The following CSMD1 variants were observed in gnomAD, a reference collection of about 807,000 sequenced individuals.
CSMD1 encodes CUB and Sushi multiple domains 1.
Under a neutral mutation model 417.5 loss-of-function variants are expected in CSMD1, and 213 were observed. That is an observed-to-expected ratio of 0.51 (90% confidence interval 0.46 to 0.57). The LOEUF (loss-of-function observed/expected upper bound fraction) is 0.57, where lower values mean the gene tolerates loss of function less well. Among genes scored for constraint, CSMD1 ranks in the 20% least tolerant of loss-of-function variants. The probability of loss-of-function intolerance (pLI) is 0.00; values close to 1 mark genes in which losing one functional copy is unlikely to be tolerated. For missense variants in CSMD1, 6,923 were observed against 4,529.7 expected (o/e 1.53, Z -15.17); for synonymous variants, 2,862 against 1,736.8 (o/e 1.65, Z -16.11).
chr8:3,814,939 C>T (rs967491845), intron 5 of CSMD1, among the ~76,000 whole-genome samples: 1 of 152,120 alleles, frequency 6.6e-6, no homozygotes, highest in Non-Finnish European at 1.5e-5. Context: ...CTTCTGAAGT[C>T]AGCCATCCCA....
At chr8:3,990,050 T>C (rs966619004) in intron 5 of CSMD1, among the ~76,000 whole-genome samples, 5 of 152,192 alleles carry the variant, frequency 3.3e-5, no homozygotes, top group Non-Finnish European at 7.3e-5. Flanking sequence ...AGCAGCATTA[T>C]TTGAGAATGA....
intron 3 of CSMD1, among the ~76,000 whole-genome samples, chr8:4,364,520 C>T (rs1053000405): frequency 5.3e-5 from 8 of 149,880 alleles, no homozygotes; most frequent in Admixed American, 2.0e-4. Flanking sequence ...TCAGTTAAAA[C>T]ATTTTTTAAA....
chr8:3,396,164 G>A (rs1339470950), intron 17 of CSMD1, 30 bp downstream of exon 17: 2 of 1,541,572 alleles, frequency 1.3e-6, no homozygotes, highest in Admixed American at 2.0e-5. Context: ...ATGCTGCCCT[G>A]CCGGGCTGTC....
intron 3 of CSMD1, among the ~76,000 whole-genome samples, chr8:4,365,354 C>A (rs1802002184): frequency 6.6e-6 from 1 of 152,184 alleles, no homozygotes; most frequent in African/African-American, 2.4e-5. Flanking sequence ...TTATCAAAAT[C>A]ATGCATCATT....
At chr8:3,021,866 CGCAATCCCACAGCGTCCGGAATGCACCT>C (rs1809437073) in intron 51 of CSMD1, among the ~76,000 whole-genome samples, 1 of 123,246 alleles carries the variant, frequency 8.1e-6, no homozygotes. Flanking sequence ...GGAATGCACC[CGCAATCCCACAGCGTCCGGAATGCACCT>C]GCAATCCCAC....
At chr8:4,434,900 G>C (rs1439524118) in intron 2 of CSMD1, among the ~76,000 whole-genome samples, 13 of 152,152 alleles carry the variant, frequency 8.5e-5, no homozygotes, top group Non-Finnish European at 1.5e-5. Context: ...GCTGTATTTT[G>C]TCAGCACATG....
Position 3,296,868 on chromosome 8 carries a change from T to C in CSMD1, c.3950+10827A>G, listed in dbSNP as rs138342656. 2.2e-3 allele frequency among the ~76,000 whole-genome samples: 337 copies of C among 152,268 alleles called. 3 individuals carry two copies. Among genetic ancestry groups the C allele is most frequent in the African/African-American group, 7.8e-3 (322 of 41,548 alleles). On this transcript the variant is annotated intron_variant, in intron 25 of 69. Coordinates refer to ENST00000635120, the MANE Select transcript of CSMD1 (RefSeq NM_033225.6). ...TCTTGGACCTGTTGAGTTTAAGTTGTCAACTAGACATAGATGGAGGGGTAT... is the reference window on the plus strand; with the variant it reads ...TCTTGGACCTGTTGAGTTTAAGTTGCCAACTAGACATAGATGGAGGGGTAT...
intron 5 of CSMD1, among the ~76,000 whole-genome samples, chr8:3,798,372 A>C (rs948813584): frequency 1.3e-5 from 2 of 152,002 alleles, no homozygotes; most frequent in African/African-American, 2.4e-5. Context: ...ATTAGCCTCT[A>C]GTTTTTTAAT....
intron 6 of CSMD1, among the ~76,000 whole-genome samples, chr8:3,708,786 C>T (rs1266740674): frequency 6.6e-6 from 1 of 152,148 alleles, no homozygotes; most frequent in Non-Finnish European, 1.5e-5. Context: ...GTGGCAGATT[C>T]CACCAATCAT....
At chr8:3,885,151 G>C (rs1267899138) in intron 5 of CSMD1, among the ~76,000 whole-genome samples, 1 of 151,938 alleles carries the variant, frequency 6.6e-6, no homozygotes, top group African/African-American at 2.4e-5. Flanking sequence ...ATCCCATCTC[G>C]TGACTGTATC....
chr8:3,341,663 C>T (rs904658859), intron 23 of CSMD1, among the ~76,000 whole-genome samples: 3 of 152,082 alleles, frequency 2.0e-5, no homozygotes, highest in African/African-American at 4.8e-5. Flanking sequence ...GCCCAGGGAG[C>T]CATAGCAGGG....
intron 3 of CSMD1, among the ~76,000 whole-genome samples, chr8:4,271,755 T>A (rs1237015517): frequency 6.6e-6 from 1 of 152,140 alleles, no homozygotes; most frequent in African/African-American, 2.4e-5. Flanking sequence ...CTTATACATA[T>A]AAAACAAAAA....
At chr8:3,497,436 T>G (rs7818843) in intron 10 of CSMD1, among the ~76,000 whole-genome samples, 7,841 of 152,284 alleles carry the variant, frequency 0.051, 214 homozygotes, top group Middle Eastern at 0.078. Context: ...AGACACAGTC[T>G]TGCTCTGTCA....
chr8:4,003,870 G>A (rs1369321387), intron 4 of CSMD1, among the ~76,000 whole-genome samples: 1 of 152,058 alleles, frequency 6.6e-6, no homozygotes, highest in Non-Finnish European at 1.5e-5. Context: ...CAAAACGTGT[G>A]ATAAAATGTT....
chr8:4,856,281 T>G (rs1403166509), intron 1 of CSMD1, among the ~76,000 whole-genome samples: 27 of 141,986 alleles, frequency 1.9e-4, no homozygotes, highest in Admixed American at 5.6e-4. Context: ...AACATGGAAA[T>G]GAACAAACGG....
intron 6 of CSMD1, among the ~76,000 whole-genome samples, chr8:3,752,957 A>G (rs752831907): frequency 2.0e-5 from 3 of 152,186 alleles, no homozygotes; most frequent in Non-Finnish European, 4.4e-5. Flanking sequence ...AAAAATTACT[A>G]AAATCTCCAG....
chr8:3,078,490 C>T (rs910263479), intron 49 of CSMD1, among the ~76,000 whole-genome samples: 3 of 152,158 alleles, frequency 2.0e-5, no homozygotes, highest in Non-Finnish European at 2.9e-5. Context: ...CTGATATTGA[C>T]GGCGTTGGAC....
intron 5 of CSMD1, among the ~76,000 whole-genome samples, chr8:3,887,632 T>A (rs1378102184): frequency 6.6e-6 from 1 of 152,150 alleles, no homozygotes; most frequent in Non-Finnish European, 1.5e-5. Flanking sequence ...AAATAGAGAG[T>A]TGAGAACACT....
Position 4,794,873 on chromosome 8 carries a change from G to A in CSMD1, c.86-157315C>T, listed in dbSNP as rs6999784. 4.2e-3 allele frequency among the ~76,000 whole-genome samples: 638 copies of A among 152,264 alleles called. 8 individuals carry two copies. Among genetic ancestry groups the A allele is most frequent in the African/African-American group, 0.015 (621 of 41,540 alleles). On this transcript the variant is annotated intron_variant, in intron 1 of 69. Transcript: ENST00000635120. The stretch of plus-strand genomic sequence containing the variant: ...ACAAGAACTGGAGTCAGGTGATGAT[G>A]ACTGCAGATTGCAGGTGGCAAGAAA...
Sources: allele counts gnomAD v4.1 joint callset (sites outside exome capture counted in the v4.1 genomes callset), GRCh38; gene constraint gnomAD v4.1.1; transcripts MANE v1.5; gene names NCBI Gene and HGNC (gene_info 2026-07-23, HGNC 2026-07-21).